CSNK2A2: variants seen among roughly 807,000 people sequenced by gnomAD.
The protein encoded by CSNK2A2 is casein kinase II subunit alpha'.
Under a neutral mutation model 54.0 loss-of-function variants are expected in CSNK2A2, and 8 were observed. The observed-to-expected ratio is 0.15, with a 90% confidence interval of 0.09 to 0.27. The LOEUF (loss-of-function observed/expected upper bound fraction) is 0.27. Among genes scored for constraint, CSNK2A2 ranks in the 10% least tolerant of loss-of-function variants. CSNK2A2 has a pLI of 1.00. For synonymous variants in CSNK2A2, 141 were observed against 153.9 expected, an observed-to-expected ratio of 0.92 and a Z score of 0.62; for missense variants, 242 against 439.4, an observed-to-expected ratio of 0.55 and a Z score of 4.02.
At chr16:58,188,293 A>T (rs144013606) in intron 2 of CSNK2A2, among the ~76,000 whole-genome samples, 1 of 152,350 alleles carries the variant, frequency 6.6e-6, no homozygotes, top group Non-Finnish European at 1.5e-5. Flanking sequence ...AGGAGAGCAG[A>T]TGTGGCTGCT....
In CSNK2A2 at chr16:58,158,291, G is replaced by A. The variant is rs904594876; in HGVS notation, c.*80C>T. The A allele has an allele frequency of 3.9e-5, 6 of 152,676 alleles. No homozygotes were observed. Among genetic ancestry groups the A allele is most frequent in the Non-Finnish European group, 7.3e-5 (5 of 68,074 alleles). The allele number at this position is 152,676 out of a possible 1,614,324, so 9.5% of individuals were successfully genotyped here. On this transcript the variant is annotated 3_prime_UTR_variant, in exon 12 of 12. Coordinates refer to ENST00000262506, the MANE Select transcript of CSNK2A2 (RefSeq NM_001896.4). The stretch of plus-strand genomic sequence containing the variant: ...CTCACGGAACGTGATCTCTCTATAC[G>A]CGTTAAGACGTTTGATTTGGTTCTT...
chr16:58,197,748 C>CG lies in CSNK2A2; in HGVS notation c.-13_-12insC. The CG allele has an allele frequency of 8.1e-7, 1 of 1,234,074 alleles. No homozygotes were observed. The allele number at this position is 1,234,074 out of a possible 1,614,324, so 76.4% of individuals were successfully genotyped here. ...GCCGGGCCGGGCATGGCGGGCGGGA[C>CG]CGGGGGGCGGCGCGGGGCGCAGAGG... is the stretch of plus-strand genomic sequence containing the variant. On this transcript the variant is annotated 5_prime_UTR_variant, in exon 1 of 12. Coordinates refer to ENST00000262506, the MANE Select transcript of CSNK2A2 (RefSeq NM_001896.4). This position sits in a 1 kb window ranked among gnomAD's most constrained non-coding sequence, Gnocchi z 4.0.
At chr16:58,165,998 G>A (rs1213070911) in intron 9 of CSNK2A2, among the ~76,000 whole-genome samples, 1 of 152,180 alleles carries the variant, frequency 6.6e-6, no homozygotes, top group African/African-American at 2.4e-5. Flanking sequence ...AATTCTGGGT[G>A]GCATGCAGAA....
chr16:58,191,351 A>C (rs1369476837), intron 2 of CSNK2A2, among the ~76,000 whole-genome samples: 1 of 152,086 alleles, frequency 6.6e-6, no homozygotes, highest in Non-Finnish European at 1.5e-5. Flanking sequence ...AAGATGGTAA[A>C]TTTTATGTTA....
intron 4 of CSNK2A2, among the ~76,000 whole-genome samples, chr16:58,178,652 T>C (rs1278908901): frequency 6.6e-6 from 1 of 152,206 alleles, no homozygotes; most frequent in Non-Finnish European, 1.5e-5. Context: ...CTTTTCTCAT[T>C]CATTCGTTTC....
rs180975744 is a variant in CSNK2A2 at position 58,195,620 on chromosome 16, G to A, written c.216+1113C>T. Among the ~76,000 whole-genome samples the A allele has an allele frequency of 7.9e-5, 12 of 152,148 alleles. No individual in the cohort carries two copies. In the East Asian group the frequency reaches 1.7e-3, roughly 22 times the overall value. On this transcript the variant is annotated intron_variant, in intron 2 of 11. Coordinates refer to ENST00000262506, the MANE Select transcript of CSNK2A2 (RefSeq NM_001896.4). ...GACTTGTATCCACATGAAATGATCC[G>A]GCAATAACGAGGACCCATCACAGAT...
At chr16:58,159,408 C>T (rs1961258144) in intron 11 of CSNK2A2, 1 of 152,256 alleles carries the variant, frequency 6.6e-6, no homozygotes, top group Non-Finnish European at 1.5e-5. Flanking sequence ...AAACGGAACA[C>T]TCCCAACAGG....
chr16:58,158,713 A>G (rs1369885571), intron 11 of CSNK2A2, among the ~76,000 whole-genome samples: 2 of 152,210 alleles, frequency 1.3e-5, no homozygotes, highest in African/African-American at 4.8e-5. Flanking sequence ...CTACAAATTC[A>G]GCAGTCAGCT....
chr16:58,197,722 G>C lies in CSNK2A2; in HGVS notation c.15C>G (p.Ala5=). 1 of 1,467,626 alleles carries C rather than the reference G, an allele frequency of 6.8e-7. No individual in the cohort carries two copies. The highest frequency in any genetic ancestry group is 9.1e-7 in the Non-Finnish European group (1 of 1,103,590). 90.9% of individuals were successfully genotyped at this position (1,467,626 alleles called of 1,614,324 possible). The part of the protein sequence containing the change: MPGP[A]AGSRARVYAE... ...CGTAGACCCGGGCCCTGCTGCCCGC[G>C]GCCGGGCCGGGCATGGCGGGCGGGA... The change falls in exon 1 of 12, where the codon GCC becomes GCG. Residue 5 remains alanine, a synonymous_variant. Transcript: ENST00000262506. The surrounding 1 kb of genome is among the most constrained non-coding windows in gnomAD (Gnocchi z 4.0).
chr16:58,197,078 C>CGCTCTGAGCCAATCCAG lies in CSNK2A2; in HGVS notation c.105-251_105-235dup. The CGCTCTGAGCCAATCCAG allele has an allele frequency of 2.0e-6, 1 of 492,984 alleles. No individual in the cohort carries two copies. The highest frequency in any genetic ancestry group is 3.7e-6 in the Non-Finnish European group (1 of 270,074). 30.5% of individuals were successfully genotyped at this position (492,984 alleles called of 1,614,324 possible). ...TTGGGAAGATGGGGCAGGAAGGCAA[C>CGCTCTGAGCCAATCCAG]GCTCTGAGCCAATCCAGAGGGGCGA... is the stretch of plus-strand genomic sequence containing the variant. On this transcript the variant is annotated intron_variant, in intron 1 of 11. Transcript: ENST00000262506. The surrounding 1 kb of genome is among the most constrained non-coding windows in gnomAD (Gnocchi z 4.0).
At chr16:58,166,382 T>C (rs934568842) in intron 9 of CSNK2A2, among the ~76,000 whole-genome samples, 3 of 152,238 alleles carry the variant, frequency 2.0e-5, no homozygotes, top group Admixed American at 6.5e-5. Context: ...TTTCTATTAA[T>C]AGGTTATCTC....
At chr16:58,177,653 C>T (rs930470253) in intron 4 of CSNK2A2, among the ~76,000 whole-genome samples, 1 of 152,226 alleles carries the variant, frequency 6.6e-6, no homozygotes, top group Non-Finnish European at 1.5e-5. Flanking sequence ...CCAGGCAGCT[C>T]TGGTCACCTG....
At position 58,171,130 on chromosome 16, in the gene CSNK2A2, T is replaced by C. The variant is rs1006556755; in HGVS notation, c.430-2437A>G. Reference sequence around the variant, plus strand: ...GACACTTGAATGGACTTCTTCATGCTGGAGGAGTACACAAGGCAGAGAATG... The same window carrying C: ...GACACTTGAATGGACTTCTTCATGCCGGAGGAGTACACAAGGCAGAGAATG... On this transcript the variant is annotated intron_variant, in intron 5 of 11. Transcript: ENST00000262506. 2.6e-5 allele frequency among the ~76,000 whole-genome samples: 4 copies of C among 152,122 alleles called. No individual in the cohort carries two copies. The South Asian group carries it at 8.3e-4, about 32-fold the overall frequency.
chr16:58,182,428 G>A (rs1219568372), intron 4 of CSNK2A2, among the ~76,000 whole-genome samples: 19 of 132,820 alleles, frequency 1.4e-4, no homozygotes, highest in Admixed American at 2.5e-4. Flanking sequence ...GGTGGTGCAC[G>A]CCTGTAGTCC....
At chr16:58,174,414 G>C (rs758408049) in intron 5 of CSNK2A2, 37 bp downstream of exon 5, 4 of 1,417,196 alleles carry the variant, frequency 2.8e-6, no homozygotes, top group South Asian at 2.5e-5. Flanking sequence ...TAATGAACAG[G>C]CCTGAAAAAA....
chr16:58,168,737 C>A (rs759058120), intron 5 of CSNK2A2, 44 bp from the exon 6 acceptor site: 94 of 1,440,402 alleles, frequency 6.5e-5, no homozygotes, highest in Non-Finnish European at 9.0e-5. Flanking sequence ...AACCCCTCTA[C>A]CATCCCCCAA....
At position 58,197,860 on chromosome 16, in the gene CSNK2A2, C is replaced by CGCG. The variant is rs1359979711; in HGVS notation, c.-127_-125dup. On this transcript the variant is annotated 5_prime_UTR_variant, in exon 1 of 12. Coordinates refer to ENST00000262506, the MANE Select transcript of CSNK2A2 (RefSeq NM_001896.4). This position sits in a 1 kb window ranked among gnomAD's most constrained non-coding sequence, Gnocchi z 4.0. The stretch of plus-strand genomic sequence containing the variant: ...GGCGCTGGAGGAGGAGGAGGAGGAG[C>CGCG]GCGGCGGCGGGCGGCCGCGCCAGGC... 1.6e-5 allele frequency: 2 copies of CGCG among 128,050 alleles called. No homozygotes were observed. The highest frequency in any genetic ancestry group is 2.3e-4 in the South Asian group (1 of 4,346). The allele number at this position is 128,050 out of a possible 1,614,324, so 7.9% of individuals were successfully genotyped here.
chr16:58,163,954 A>G (rs1189736537), intron 11 of CSNK2A2, 100 bp downstream of exon 11: 4 of 945,926 alleles, frequency 4.2e-6, no homozygotes, highest in Admixed American at 4.1e-5. Flanking sequence ...CTGTGCATTT[A>G]GAAGGAATGA....
chr16:58,197,881 C>A lies in CSNK2A2; in HGVS notation c.-145G>T, dbSNP rs1962516757. 1 of 117,576 alleles carries A rather than the reference C, an allele frequency of 8.5e-6. No homozygotes were observed. The highest frequency in any genetic ancestry group is 1.8e-5 in the Non-Finnish European group (1 of 57,098). The allele number at this position is 117,576 out of a possible 1,614,324, so 7.3% of individuals were successfully genotyped here. A position where few individuals can be genotyped will look rare whatever the true frequency, so the allele number is the denominator to read the frequency against. On this transcript the variant is annotated 5_prime_UTR_variant, in exon 1 of 12. Transcript: ENST00000262506. This position sits in a 1 kb window ranked among gnomAD's most constrained non-coding sequence, Gnocchi z 4.0. ...GGAGCGCGGCGGCGGGCGGCCGCGC[C>A]AGGCCGGGCCCGCGGGGGCGGGCGG...
Sources: gnomAD v4.1 joint callset for allele counts (sites outside exome capture counted in the v4.1 genomes callset) on GRCh38, gnomAD v4.1.1 for gene constraint, Gnocchi (gnomAD v3.1) non-coding constraint, MANE v1.5 for transcripts, NCBI Gene and HGNC (gene_info 2026-07-23, HGNC 2026-07-21) for gene names.